Variants in PTPRD observed in about 807,000 individuals in gnomAD.
PTPRD encodes receptor-type tyrosine-protein phosphatase delta.
Under a neutral mutation model 214.5 loss-of-function variants are expected in PTPRD, and 34 were observed. That is an observed-to-expected ratio of 0.16 (90% confidence interval 0.12 to 0.21). The LOEUF (loss-of-function observed/expected upper bound fraction) is 0.21, where lower values mean the gene tolerates loss of function less well. Among genes scored for constraint, PTPRD ranks in the 10% least tolerant of loss-of-function variants. The probability of loss-of-function intolerance (pLI) is 1.00; values close to 1 mark genes in which losing one functional copy is unlikely to be tolerated. For missense variants in PTPRD, 2,545 were observed against 2,398.7 expected (o/e 1.06, Z -1.27); for synonymous variants, 1,128 against 845.7 (o/e 1.33, Z -5.79).
intron 3 of PTPRD, among the ~76,000 whole-genome samples, chr9:10,304,708 G>T (rs2095997385): frequency 1.3e-5 from 2 of 152,088 alleles, no homozygotes; most frequent in African/African-American, 4.8e-5. Flanking sequence ...CAAGGTATGT[G>T]AAAAACCTCT....
At chr9:8,751,139 C>T (rs1211997301) in intron 11 of PTPRD, among the ~76,000 whole-genome samples, 1 of 152,190 alleles carries the variant, frequency 6.6e-6, no homozygotes, top group Admixed American at 6.5e-5. Context: ...ATGTTTTCAG[C>T]TGCCCTTCTC....
chr9:9,323,333 T>C (rs1967645172), intron 9 of PTPRD, among the ~76,000 whole-genome samples: 1 of 152,186 alleles, frequency 6.6e-6, no homozygotes, highest in Admixed American at 6.5e-5. Context: ...AAATCTTTTT[T>C]ACTTATCATC....
intron 3 of PTPRD, among the ~76,000 whole-genome samples, chr9:10,231,444 A>G (rs1279579702): frequency 6.6e-6 from 1 of 152,014 alleles, no homozygotes; most frequent in Non-Finnish European, 1.5e-5. Flanking sequence ...AGGACAAACT[A>G]TCATCACTCT....
chr9:10,417,301 G>C (rs1443153858), intron 2 of PTPRD, among the ~76,000 whole-genome samples: 1 of 151,810 alleles, frequency 6.6e-6, no homozygotes, highest in Admixed American at 6.6e-5. Flanking sequence ...CAATGAAAGG[G>C]TGAACATTGA....
intron 9 of PTPRD, among the ~76,000 whole-genome samples, chr9:9,193,936 A>T (rs1405141595): frequency 2.0e-5 from 3 of 152,152 alleles, no homozygotes; most frequent in East Asian, 1.9e-4. Context: ...CTTTTTAAAA[A>T]TTTTTTGGCT....
chr9:10,234,633 C>T (rs1465910473), intron 3 of PTPRD, among the ~76,000 whole-genome samples: 1 of 150,362 alleles, frequency 6.7e-6, no homozygotes, highest in African/African-American at 2.4e-5. Flanking sequence ...AAATGCATTG[C>T]TAAATTTCAA....
intron 3 of PTPRD, among the ~76,000 whole-genome samples, chr9:10,191,493 G>A (rs1239078040): frequency 6.6e-6 from 1 of 152,038 alleles, no homozygotes; most frequent in African/African-American, 2.4e-5. Flanking sequence ...CTCAGGAGAA[G>A]GGAAAAAATG....
intron 2 of PTPRD, among the ~76,000 whole-genome samples, chr9:10,552,124 A>G (rs1372393133): frequency 6.6e-6 from 1 of 152,176 alleles, no homozygotes; most frequent in Non-Finnish European, 1.5e-5. Flanking sequence ...ACAATTTTGC[A>G]GTCATTTCAA....
chr9:9,189,912 G>C (rs1391911179), intron 9 of PTPRD, among the ~76,000 whole-genome samples: 5 of 152,004 alleles, frequency 3.3e-5, no homozygotes, highest in African/African-American at 1.2e-4. Flanking sequence ...TAGTGTGGCT[G>C]TGTAATTTGA....
chr9:10,483,950 A>G (rs1438497652), intron 2 of PTPRD, among the ~76,000 whole-genome samples: 2 of 152,172 alleles, frequency 1.3e-5, no homozygotes, highest in Non-Finnish European at 2.9e-5. Context: ...GAATTAAATC[A>G]TCATATCAAA....
At chr9:8,851,335 A>T (rs1219776817) in intron 11 of PTPRD, among the ~76,000 whole-genome samples, 1 of 152,240 alleles carries the variant, frequency 6.6e-6, no homozygotes, top group Non-Finnish European at 1.5e-5. Context: ...TTTAGAGAGA[A>T]ACGCTCTCTT....
In PTPRD at chr9:10,475,504, C is replaced by CA. The variant is rs200466325; in HGVS notation, c.-599-134488dup. 4.6e-3 allele frequency among the ~76,000 whole-genome samples: 691 copies of CA among 151,186 alleles called. 8 individuals are homozygous for CA. Among genetic ancestry groups the CA allele is most frequent in the African/African-American group, 0.016 (658 of 41,260 alleles). On this transcript the variant is annotated intron_variant, in intron 2 of 45. Coordinates refer to ENST00000381196, the MANE Select transcript of PTPRD (RefSeq NM_002839.4). ...AGGAAATAACTAATAGCCTACCAAC[C>CA]AAAAAAAAGCCCAGGACCAGATGGA...
chr9:10,422,746 C>T (rs987799598), intron 2 of PTPRD, among the ~76,000 whole-genome samples: 3 of 152,032 alleles, frequency 2.0e-5, no homozygotes, highest in African/African-American at 7.2e-5. Flanking sequence ...AAATCAAAAC[C>T]ACAATGAGAT....
At chr9:10,541,519 C>T (rs10959159) in intron 2 of PTPRD, among the ~76,000 whole-genome samples, 13 of 151,488 alleles carry the variant, frequency 8.6e-5, no homozygotes, top group African/African-American at 2.4e-4. Flanking sequence ...GTGTATTTTC[C>T]GATTCTTATC....
At chr9:9,979,895 CG>C (rs1453293650) in intron 4 of PTPRD, among the ~76,000 whole-genome samples, 1 of 151,948 alleles carries the variant, frequency 6.6e-6, no homozygotes, top group Admixed American at 6.6e-5. Context: ...GGGCAAAATA[CG>C]GGATGCTTGA....
chr9:8,567,116 C>T (rs1414904372), intron 14 of PTPRD, among the ~76,000 whole-genome samples: 3 of 152,096 alleles, frequency 2.0e-5, no homozygotes, highest in Non-Finnish European at 4.4e-5. Flanking sequence ...TTTATCAGTA[C>T]GTTATAAACA....
chr9:8,496,059 T>A (rs1331319428), intron 26 of PTPRD, among the ~76,000 whole-genome samples: 3 of 152,086 alleles, frequency 2.0e-5, no homozygotes, highest in Non-Finnish European at 4.4e-5. Flanking sequence ...TTCATTTATA[T>A]CAAATTGTCA....
chr9:8,335,306 GCTT>G (rs1845534518), intron 43 of PTPRD, among the ~76,000 whole-genome samples: 1 of 151,860 alleles, frequency 6.6e-6, no homozygotes, highest in East Asian at 1.9e-4. Context: ...GATCAAGTCG[GCTT>G]CATCCCTGGG....
intron 8 of PTPRD, among the ~76,000 whole-genome samples, chr9:9,527,486 T>C (rs748526373): frequency 1.3e-5 from 2 of 152,188 alleles, no homozygotes; most frequent in Non-Finnish European, 2.9e-5. Flanking sequence ...TTTTAAAAAA[T>C]TGTAATCAAA....
Sources: allele counts gnomAD v4.1 joint callset (sites outside exome capture counted in the v4.1 genomes callset), GRCh38; gene constraint gnomAD v4.1.1; transcripts MANE v1.5; gene names NCBI Gene and HGNC (gene_info 2026-07-23, HGNC 2026-07-21).